The following MAP2K6 variants were observed in gnomAD, a reference collection of about 807,000 sequenced individuals.
MAP2K6 encodes the protein dual specificity mitogen-activated protein kinase kinase 6.
A neutral mutation model predicts 53.7 loss-of-function variants in MAP2K6; 16 were observed. The ratio of observed to expected loss-of-function variants is 0.30; its 90% confidence interval spans 0.20 to 0.45. The LOEUF (loss-of-function observed/expected upper bound fraction) is 0.45, where lower values mean the gene tolerates loss of function less well. Among genes scored for constraint, MAP2K6 ranks in the 20% least tolerant of loss-of-function variants. The pLI is 1.00. For missense variants in MAP2K6, 204 were observed against 411.9 expected (o/e 0.50, Z 4.37); for synonymous variants, 132 against 143.1 (o/e 0.92, Z 0.55).
Position 69,543,931 on chromosome 17 carries a change from A to T in MAP2K6, c.*2178A>T, listed in dbSNP as rs1212052876. 6.6e-6 allele frequency: 1 copy of T among 152,196 alleles called. No individual in the cohort carries two copies. The highest frequency in any genetic ancestry group is 2.4e-5 in the African/African-American group (1 of 41,460). The allele number at this position is 152,196 out of a possible 1,614,324, so 9.4% of individuals were successfully genotyped here. ...CTCGTGTACATTGGAACCATCTGGGAGCTGTGAACACTGTCGCTGCCAATG... is the reference window on the plus strand; with the variant it reads ...CTCGTGTACATTGGAACCATCTGGGTGCTGTGAACACTGTCGCTGCCAATG... On this transcript the variant is annotated 3_prime_UTR_variant, in exon 12 of 12. Transcript: ENST00000590474.
chr17:69,490,178 T>A (rs767427969), intron 1 of MAP2K6, among the ~76,000 whole-genome samples: 3 of 152,198 alleles, frequency 2.0e-5, no homozygotes, highest in Non-Finnish European at 4.4e-5. Flanking sequence ...CATTTCTTCC[T>A]TATGCTTTTT....
chr17:69,543,242 GAAAA>G lies in MAP2K6; in HGVS notation c.*1495_*1498del, dbSNP rs374107755. The G allele has an allele frequency of 6.6e-6, 1 of 150,662 alleles. No homozygotes were observed. Among genetic ancestry groups the G allele is most frequent in the African/African-American group, 2.4e-5 (1 of 41,016 alleles). The allele number at this position is 150,662 out of a possible 1,614,324, so 9.3% of individuals were successfully genotyped here. A position where few individuals can be genotyped will look rare whatever the true frequency, so the allele number is the denominator to read the frequency against. The stretch of plus-strand genomic sequence containing the variant: ...CAGAGGGTTTTGATTTTAAAAAGAA[GAAAA>G]AAAAACCTTATTTTTTCTTTCTTGG... On this transcript the variant is annotated 3_prime_UTR_variant, in exon 12 of 12. Coordinates refer to ENST00000590474, the MANE Select transcript of MAP2K6 (RefSeq NM_002758.4).
intron 1 of MAP2K6, among the ~76,000 whole-genome samples, chr17:69,468,601 G>A (rs1354267635): frequency 6.6e-6 from 1 of 152,198 alleles, no homozygotes; most frequent in African/African-American, 2.4e-5. Flanking sequence ...AACAAGGGCT[G>A]TCCTTGATGA....
At chr17:69,466,585 C>T (rs752881252) in intron 1 of MAP2K6, among the ~76,000 whole-genome samples, 19 of 152,208 alleles carry the variant, frequency 1.2e-4, no homozygotes, top group Non-Finnish European at 2.5e-4. Context: ...TGAAACCGGG[C>T]AAGACTTTGC....
At chr17:69,423,887 A>C (rs931972688) in intron 1 of MAP2K6, among the ~76,000 whole-genome samples, 1 of 152,162 alleles carries the variant, frequency 6.6e-6, no homozygotes, top group African/African-American at 2.4e-5. Flanking sequence ...TGCAAAAGTA[A>C]TATTGTTTTT....
chr17:69,476,143 T>A (rs373630281), intron 1 of MAP2K6, among the ~76,000 whole-genome samples: 95 of 152,304 alleles, frequency 6.2e-4, no homozygotes, highest in African/African-American at 2.2e-3. Flanking sequence ...CAGATGTATG[T>A]ATGTGTATAT....
rs936976947 is a variant in MAP2K6 at position 69,552,565 on chromosome 17, G to C, written c.*10812G>C. On this transcript the variant is annotated 3_prime_UTR_variant, in exon 12 of 12. Coordinates refer to ENST00000590474, the MANE Select transcript of MAP2K6 (RefSeq NM_002758.4). ...GACCTGTAAAGCATGTGGGTGGAAT[G>C]TTTCCATGCTCTTGAGGTGAATATT... 1.3e-5 allele frequency: 2 copies of C among 152,194 alleles called. No individual in the cohort carries two copies. Among genetic ancestry groups the C allele is most frequent in the Non-Finnish European group, 2.9e-5 (2 of 68,032 alleles). The allele number at this position is 152,194 out of a possible 1,614,324, so 9.4% of individuals were successfully genotyped here.
intron 1 of MAP2K6, among the ~76,000 whole-genome samples, chr17:69,472,897 G>T (rs1276170524): frequency 6.6e-6 from 1 of 152,074 alleles, no homozygotes; most frequent in Admixed American, 6.6e-5. Context: ...AGTAGAGATG[G>T]GGTTTCACCA....
chr17:69,443,987 T>C (rs1264656198), intron 1 of MAP2K6, among the ~76,000 whole-genome samples: 1 of 152,160 alleles, frequency 6.6e-6, no homozygotes, highest in East Asian at 1.9e-4. Context: ...CCTTAGGATA[T>C]TGAAGGACAA....
At chr17:69,433,294 G>C (rs1167215398) in intron 1 of MAP2K6, 1 of 152,232 alleles carries the variant, frequency 6.6e-6, no homozygotes, top group Non-Finnish European at 1.5e-5. Flanking sequence ...AGCCAAGTGT[G>C]GAACACAGAT....
intron 1 of MAP2K6, among the ~76,000 whole-genome samples, chr17:69,496,210 G>A (rs1908942680): frequency 6.6e-6 from 1 of 151,400 alleles, no homozygotes; most frequent in Non-Finnish European, 1.5e-5. Flanking sequence ...TGACAGGAAC[G>A]TAATTCTTTG....
chr17:69,536,219 C>T, intron 11 of MAP2K6, 59 bp downstream of exon 11: 1 of 1,228,670 alleles, frequency 8.1e-7, no homozygotes, highest in Non-Finnish European at 1.2e-6. Context: ...GGCAAAGTCA[C>T]TAAGACCTAA....
intron 1 of MAP2K6, among the ~76,000 whole-genome samples, chr17:69,472,625 T>G (rs1379546859): frequency 6.6e-6 from 1 of 152,204 alleles, no homozygotes; most frequent in Non-Finnish European, 1.5e-5. Context: ...GGGTCCCAGC[T>G]CAGTACTCTG....
chr17:69,502,088 A>C, intron 1 of MAP2K6: 34 of 748,214 alleles, frequency 4.5e-5, no homozygotes, highest in South Asian at 1.2e-4. Context: ...AGAACATGGT[A>C]CTGTCCAGAT....
chr17:69,451,036 T>C (rs1478747329), intron 1 of MAP2K6, among the ~76,000 whole-genome samples: 1 of 152,114 alleles, frequency 6.6e-6, no homozygotes, highest in African/African-American at 2.4e-5. Flanking sequence ...AAAGGAAACA[T>C]ACTCTAGACA....
chr17:69,479,770 T>C (rs1342745535), intron 1 of MAP2K6, among the ~76,000 whole-genome samples: 1 of 150,514 alleles, frequency 6.6e-6, no homozygotes, highest in Non-Finnish European at 1.5e-5. Flanking sequence ...CAGGCTGGAG[T>C]GCAATGGTGC....
intron 2 of MAP2K6, among the ~76,000 whole-genome samples, chr17:69,506,104 A>G (rs16974102): frequency 0.054 from 8,289 of 152,274 alleles, 644 homozygotes; most frequent in African/African-American, 0.16. Context: ...ATGGGGCTCT[A>G]TGTAAGGCCA....
intron 1 of MAP2K6, among the ~76,000 whole-genome samples, chr17:69,475,647 T>C (rs548567247): frequency 6.6e-6 from 1 of 152,176 alleles, no homozygotes; most frequent in Non-Finnish European, 1.5e-5. Context: ...ATATAGGAGA[T>C]AGTTGGTTGC....
At chr17:69,422,847 G>A (rs732322) in intron 1 of MAP2K6, among the ~76,000 whole-genome samples, 56,989 of 151,786 alleles carry the variant, frequency 0.38, 11,147 homozygotes, top group Middle Eastern at 0.45. Flanking sequence ...TGCAGCTCCT[G>A]GGCCAAATCT....
Sources: allele counts gnomAD v4.1 joint callset (sites outside exome capture counted in the v4.1 genomes callset), GRCh38; gene constraint gnomAD v4.1.1; transcripts MANE v1.5; gene names NCBI Gene and HGNC (gene_info 2026-07-23, HGNC 2026-07-21).